Variants in ATP10D observed in about 807,000 individuals in gnomAD.
ATP10D encodes the protein phospholipid-transporting ATPase VD.
In ATP10D, 89 loss-of-function variants were observed where a neutral mutation model predicts 144.8. The ratio of observed to expected loss-of-function variants is 0.61; its 90% confidence interval spans 0.52 to 0.73. ATP10D has a LOEUF of 0.73. ATP10D is among the 30% of genes least tolerant of loss of function. ATP10D has a pLI of 0.00. For missense variants in ATP10D, 1,603 were observed against 1,714.8 expected, an observed-to-expected ratio of 0.93 and a Z score of 1.15; for synonymous variants, 571 against 615.1, an observed-to-expected ratio of 0.93 and a Z score of 1.06.
In ATP10D at chr4:47,515,640, T is replaced by A. The variant is rs1348991982; in HGVS notation, c.455T>A (p.Ile152Asn). Residue 152 changes from isoleucine to asparagine, a missense_variant, in exon 3 of 23, where the codon ATC becomes AAC. By Grantham distance (149) the Ile-to-Asn change is moderately radical (BLOSUM62 -3). Coordinates refer to ENST00000273859, the MANE Select transcript of ATP10D (RefSeq NM_020453.4). Reference protein sequence around the residue: ...DYRKYKIDKQINNLITKVYSR... With the variant: ...DYRKYKIDKQNNNLITKVYSR... ...CGGAAATACAAAATTGACAAACAGA[T>A]CAATAATTTAATAACTAAAGTTTAT... The A allele has an allele frequency of 2.5e-6, 4 of 1,610,090 alleles. No homozygotes were observed. The East Asian group carries it at 8.9e-5, about 36-fold the overall frequency.
rs1721106235 is a variant in ATP10D, at chr4:47,592,821, G to C, written c.*1440G>C. 6.6e-6 allele frequency: 1 copy of C among 152,478 alleles called. No homozygotes were observed. Among genetic ancestry groups the C allele is most frequent in the South Asian group, 2.1e-4 (1 of 4,826 alleles). The allele number at this position is 152,478 out of a possible 1,614,324, so 9.4% of individuals were successfully genotyped here. Reference sequence around the variant, plus strand: ...CTTTCAAAATCTCACATAGCTAATGGAAGTTGCTTTCTGCTTTCTTATGAC... The same window carrying C: ...CTTTCAAAATCTCACATAGCTAATGCAAGTTGCTTTCTGCTTTCTTATGAC... On this transcript the variant is annotated 3_prime_UTR_variant, in exon 23 of 23. Coordinates refer to ENST00000273859, the MANE Select transcript of ATP10D (RefSeq NM_020453.4).
At position 47,546,624 on chromosome 4, in the gene ATP10D, C is replaced by G; in HGVS notation, c.1397C>G (p.Ala466Gly). ...AGFDYCHEEN[A>G]RRLESYQEAV... ...ACTCAGTGTGCTTTTTATCCCACAGCCAGGAGGTTGGAGTCCTATCAGGAA... is the reference window on the plus strand; with the variant it reads ...ACTCAGTGTGCTTTTTATCCCACAGGCAGGAGGTTGGAGTCCTATCAGGAA... Residue 466 changes from alanine to glycine, a missense_variant and splice_region_variant, in exon 10 of 23, where the codon GCC (alanine) becomes GGC (glycine). Transcript: ENST00000273859. 6.2e-7 allele frequency: 1 copy of G among 1,613,466 alleles called. No individual in the cohort carries two copies. Among genetic ancestry groups the G allele is most frequent in the Non-Finnish European group, 8.5e-7 (1 of 1,179,470 alleles).
At chr4:47,536,410 T>A in intron 7 of ATP10D, 27 bp from the exon 8 acceptor site, 1 of 1,609,552 alleles carries the variant, frequency 6.2e-7, no homozygotes. Context: ...TTTAGCATCC[T>A]TTTGATGTCT....
At chr4:47,490,695 G>C (rs1715022733) in intron 1 of ATP10D, among the ~76,000 whole-genome samples, 3 of 152,362 alleles carry the variant, frequency 2.0e-5, no homozygotes, top group South Asian at 4.1e-4. Context: ...TATAGGGCAA[G>C]TGAAGAACAC....
rs182993483 is a variant in ATP10D at position 47,523,076 on chromosome 4, T to C, written c.550T>C (p.Ser184Pro). The C allele has an allele frequency of 1.2e-6, 2 of 1,614,044 alleles. No individual in the cohort carries two copies. The highest frequency in any genetic ancestry group is 1.7e-6 in the Non-Finnish European group (2 of 1,179,970). Residue 184 changes from serine to proline, a missense_variant, in exon 4 of 23, where the codon TCC (serine) becomes CCC (proline). Coordinates refer to ENST00000273859, the MANE Select transcript of ATP10D (RefSeq NM_020453.4). The part of the protein sequence containing the change: ...DVTVGDFIRL[S>P]CNEVIPADMV... ...TACTGTTGGGGACTTTATTCGCCTC[T>C]CCTGCAACGAGGTCATCCCTGCAGA...
At chr4:47,551,076 A>G (rs1364581366) in intron 10 of ATP10D, among the ~76,000 whole-genome samples, 2 of 152,074 alleles carry the variant, frequency 1.3e-5, no homozygotes, top group South Asian at 2.1e-4. Context: ...CTATTTGTTT[A>G]CCTCCTGTTT....
intron 21 of ATP10D, among the ~76,000 whole-genome samples, chr4:47,585,395 A>G (rs1720739218): frequency 6.6e-6 from 1 of 152,032 alleles, no homozygotes; most frequent in Non-Finnish European, 1.5e-5. Flanking sequence ...TATATTTATT[A>G]TGTACATGAG....
chr4:47,558,223 C>G lies in ATP10D; in HGVS notation c.2384C>G (p.Thr795Arg). 1.9e-6 allele frequency: 3 copies of G among 1,614,144 alleles called. No homozygotes were observed. Among genetic ancestry groups the G allele is most frequent in the Non-Finnish European group, 2.5e-6 (3 of 1,180,042 alleles). The stretch of plus-strand genomic sequence containing the variant: ...CTTTCCAATCAAGTTGTGGTGTATA[C>G]GAAAGGCGCTGATTCTGTGATCATG... ...HPLSNQVVVY[T>R]KGADSVIMEL... Residue 795 changes from threonine (T) to arginine (R), a missense_variant, in exon 12 of 23, where the codon ACG becomes AGG. Physicochemically the swap from Thr to Arg is moderately conservative, Grantham distance 71. Transcript: ENST00000273859.
chr4:47,506,756 T>C (rs1393081872), intron 1 of ATP10D, among the ~76,000 whole-genome samples: 1 of 152,230 alleles, frequency 6.6e-6, no homozygotes, highest in Non-Finnish European at 1.5e-5. Context: ...TTACAAAGTT[T>C]GTTTTTGTTA....
Position 47,536,478 on chromosome 4 carries a change from T to C in ATP10D, c.1057T>C (p.Phe353Leu). 6.2e-7 allele frequency: 1 copy of C among 1,613,738 alleles called. No homozygotes were observed. The highest frequency in any genetic ancestry group is 8.5e-7 in the Non-Finnish European group (1 of 1,179,704). Reference protein sequence around the residue: ...WLSRYEKMHFFNVPEPDGHII... With the variant: ...WLSRYEKMHFLNVPEPDGHII... ...GAGCAGGTATGAAAAGATGCATTTT[T>C]TCAATGTTCCCGAGCCTGATGGACA... Residue 353 changes from phenylalanine to leucine, a missense_variant, in exon 8 of 23, where the codon TTC (phenylalanine) becomes CTC (leucine). By Grantham distance (22) the Phe-to-Leu change is conservative. Transcript: ENST00000273859.
chr4:47,498,476 C>A (rs1411043938), intron 1 of ATP10D, among the ~76,000 whole-genome samples: 1 of 152,196 alleles, frequency 6.6e-6, no homozygotes, highest in African/African-American at 2.4e-5. Flanking sequence ...AGTATGAGGA[C>A]AAACATAGTT....
chr4:47,517,390 C>T (rs1446587784), intron 3 of ATP10D, among the ~76,000 whole-genome samples: 4 of 152,058 alleles, frequency 2.6e-5, no homozygotes, highest in South Asian at 4.1e-4. Context: ...CACTCCAATC[C>T]GGGCAAAAGA....
At chr4:47,485,696 A>C (rs931107377) in intron 1 of ATP10D, among the ~76,000 whole-genome samples, 177 bp downstream of exon 1, 12 of 152,254 alleles carry the variant, frequency 7.9e-5, no homozygotes, top group Non-Finnish European at 1.3e-4. Context: ...TAAAAAAAAA[A>C]AACAACAAAA....
At chr4:47,590,424 A>G (rs567645097) in intron 22 of ATP10D, among the ~76,000 whole-genome samples, 1 of 152,286 alleles carries the variant, frequency 6.6e-6, no homozygotes, top group African/African-American at 2.4e-5. Context: ...CCTTTCTGCT[A>G]GTGCTGAAGA....
At position 47,567,746 on chromosome 4, in the gene ATP10D, G is replaced by A. The variant is rs963673581; in HGVS notation, c.2854-1091G>A. Reference sequence around the variant, plus strand: ...GGATCAAATTCATTCCTAAAATGGAGCCCTGTGAACACTCCACAAGAGTGT... The same window carrying A: ...GGATCAAATTCATTCCTAAAATGGAACCCTGTGAACACTCCACAAGAGTGT... On this transcript the variant is annotated intron_variant, in intron 15 of 22. Coordinates refer to ENST00000273859, the MANE Select transcript of ATP10D (RefSeq NM_020453.4). 4.6e-5 allele frequency among the ~76,000 whole-genome samples: 7 copies of A among 152,300 alleles called. No individual in the cohort carries two copies. The East Asian group carries it at 1.3e-3, about 29-fold the overall frequency.
chr4:47,486,894 G>T (rs1259343570), intron 1 of ATP10D, among the ~76,000 whole-genome samples: 1 of 152,140 alleles, frequency 6.6e-6, no homozygotes, highest in Non-Finnish European at 1.5e-5. Flanking sequence ...GTTTGACCCT[G>T]GCTTAGCAAA....
At chr4:47,552,775 T>C (rs1051740513) in intron 10 of ATP10D, among the ~76,000 whole-genome samples, 9 of 152,206 alleles carry the variant, frequency 5.9e-5, no homozygotes, top group Admixed American at 2.6e-4. Flanking sequence ...AGATCATTGA[T>C]ACAATGAAAT....
intron 9 of ATP10D, among the ~76,000 whole-genome samples, chr4:47,538,563 A>C (rs9994505): frequency 0.022 from 3,283 of 152,272 alleles, 126 homozygotes; most frequent in African/African-American, 0.075. Flanking sequence ...AGTATCTCTA[A>C]GTCAGGACTC....
chr4:47,590,985 G>T (rs565233895), intron 22 of ATP10D, 57 bp from the exon 23 acceptor site: 13 of 1,203,406 alleles, frequency 1.1e-5, no homozygotes, highest in Non-Finnish European at 1.5e-5. Flanking sequence ...TTGGGGGGGG[G>T]GGTTCTGTAA....
Sources: gnomAD v4.1 joint callset for allele counts (sites outside exome capture counted in the v4.1 genomes callset) on GRCh38, gnomAD v4.1.1 for gene constraint, MANE v1.5 for transcripts, NCBI Gene and HGNC (gene_info 2026-07-23, HGNC 2026-07-21) for gene names.